CCDC181: variants seen among roughly 807,000 people sequenced by gnomAD.
CCDC181 encodes coiled-coil domain containing 181.
A neutral mutation model predicts 58.7 loss-of-function variants in CCDC181; 35 were observed. That is an observed-to-expected ratio of 0.60 (90% CI 0.46 to 0.79). CCDC181 has a LOEUF of 0.79. Among genes scored for constraint, CCDC181 ranks in the 30% least tolerant of loss-of-function variants. The pLI, the probability that CCDC181 is intolerant of heterozygous loss-of-function variation, is 0.00. For synonymous variants in CCDC181, 183 were observed against 197.5 expected (o/e 0.93, Z 0.62); for missense variants, 517 against 583.9 (o/e 0.89, Z 1.18).
At chr1:169,418,240 C>A (rs1236597192) in intron 4 of CCDC181, among the ~76,000 whole-genome samples, 17 of 152,092 alleles carry the variant, frequency 1.1e-4, no homozygotes, top group Non-Finnish European at 1.0e-4. Context: ...AACATTGGAA[C>A]CAACCTAAAT....
At chr1:169,399,976 T>C (rs1200600846) in intron 4 of CCDC181, among the ~76,000 whole-genome samples, 1 of 152,176 alleles carries the variant, frequency 6.6e-6, no homozygotes, top group East Asian at 1.9e-4. Context: ...AATGAAGCAG[T>C]CATGTGGAGG....
rs533982697 is a variant in CCDC181, at chr1:169,438,536, C to T, written c.-23-13586G>A. ...CTGCCCAATGGTCTGCATGGGGAAC[C>T]GAATTAACATTTTTCATCCCAGCAA... On this transcript the variant is annotated intron_variant, in intron 2 of 6. Transcript: ENST00000545005. Among the ~76,000 whole-genome samples, 317 of 152,244 alleles carry T rather than the reference C, an allele frequency of 2.1e-3. 4 individuals carry two copies. The highest frequency in any genetic ancestry group is 6.9e-3 in the African/African-American group (288 of 41,530).
At chr1:169,399,460 T>C (rs2102040744) in intron 4 of CCDC181, among the ~76,000 whole-genome samples, 1 of 152,262 alleles carries the variant, frequency 6.6e-6, no homozygotes, top group African/African-American at 2.4e-5. Flanking sequence ...TAAAACAAGG[T>C]AAATTACAGC....
At chr1:169,411,356 T>C (rs1321140486) in intron 4 of CCDC181, among the ~76,000 whole-genome samples, 1 of 151,992 alleles carries the variant, frequency 6.6e-6, no homozygotes, top group Non-Finnish European at 1.5e-5. Flanking sequence ...CAAATCTCTG[T>C]ATAGACCAAT....
chr1:169,396,838 A>G (rs1014965), intron 5 of CCDC181, among the ~76,000 whole-genome samples: 40,351 of 152,058 alleles, frequency 0.27, 6,722 homozygotes, highest in Non-Finnish European at 0.38. Context: ...GGTAAATGCA[A>G]CTTTTATTGG....
intron 2 of CCDC181, among the ~76,000 whole-genome samples, chr1:169,423,287 TTAAC>T (rs1355536376): frequency 1.3e-5 from 2 of 151,984 alleles, no homozygotes; most frequent in African/African-American, 2.4e-5. Flanking sequence ...TAACTATGAT[TTAAC>T]TAAGAGCTCT....
chr1:169,399,351 C>T (rs2102040543), intron 4 of CCDC181, among the ~76,000 whole-genome samples: 1 of 152,118 alleles, frequency 6.6e-6, no homozygotes, highest in Non-Finnish European at 1.5e-5. Context: ...ATAATTTGCT[C>T]AAAAATTGAA....
chr1:169,402,296 A>G lies in CCDC181; in HGVS notation c.1216-4905T>C, dbSNP rs567978494. On this transcript the variant is annotated intron_variant, in intron 4 of 5. Coordinates refer to ENST00000367806, the MANE Select transcript of CCDC181 (RefSeq NM_001300969.2). Reference sequence around the variant, plus strand: ...GCAGGCCAACATTCAAATTCAGGAAATACAGCAAATACCACAAAGATACTC... The same window carrying G: ...GCAGGCCAACATTCAAATTCAGGAAGTACAGCAAATACCACAAAGATACTC... Among the ~76,000 whole-genome samples, 10 of 152,348 alleles carry G rather than the reference A, an allele frequency of 6.6e-5. No homozygotes were observed. The South Asian group carries it at 2.1e-3, about 32-fold the overall frequency.
intron 2 of CCDC181, among the ~76,000 whole-genome samples, chr1:169,424,491 T>C (rs568111390): frequency 3.9e-5 from 6 of 152,002 alleles, no homozygotes; most frequent in South Asian, 2.1e-4. Context: ...ATTAACTGTA[T>C]TTTTTACTTT....
intron 2 of CCDC181, among the ~76,000 whole-genome samples, chr1:169,459,033 A>T (rs1657760268): frequency 1.3e-5 from 2 of 152,136 alleles, no homozygotes; most frequent in Non-Finnish European, 2.9e-5. Context: ...TCGTTTGTAC[A>T]GCAGTGAGTA....
At chr1:169,400,447 A>T (rs1055816423) in intron 4 of CCDC181, among the ~76,000 whole-genome samples, 11 of 152,180 alleles carry the variant, frequency 7.2e-5, no homozygotes, top group Admixed American at 2.0e-4. Flanking sequence ...TAACCAATTT[A>T]AAAAAAATCA....
intron 2 of CCDC181, among the ~76,000 whole-genome samples, chr1:169,446,358 T>G (rs1467618773): frequency 1.3e-5 from 2 of 152,074 alleles, no homozygotes; most frequent in Non-Finnish European, 2.9e-5. Context: ...ACAGGAGAAC[T>G]GCTTGAACCC....
chr1:169,445,154 A>G (rs1657337988), intron 2 of CCDC181, among the ~76,000 whole-genome samples: 1 of 151,968 alleles, frequency 6.6e-6, no homozygotes, highest in Non-Finnish European at 1.5e-5. Flanking sequence ...TTCTGCAGAT[A>G]TTTTCATAGC....
chr1:169,403,255 A>C (rs1655457393), intron 4 of CCDC181, among the ~76,000 whole-genome samples: 1 of 152,204 alleles, frequency 6.6e-6, no homozygotes, highest in South Asian at 2.1e-4. Context: ...CAGATCAACG[A>C]GACAGAAAAT....
At chr1:169,416,581 C>T (rs866626195) in intron 4 of CCDC181, among the ~76,000 whole-genome samples, 13 of 152,092 alleles carry the variant, frequency 8.5e-5, no homozygotes, top group East Asian at 1.9e-4. Flanking sequence ...GTTTATTATC[C>T]GCATTTTATT....
chr1:169,395,014 G>T lies in CCDC181; in HGVS notation c.*33C>A. 1 of 1,537,424 alleles carries T rather than the reference G, an allele frequency of 6.5e-7. No homozygotes were observed. Among genetic ancestry groups the T allele is most frequent in the Non-Finnish European group, 8.7e-7 (1 of 1,142,948 alleles). On this transcript the variant is annotated 3_prime_UTR_variant, in exon 6 of 6. Coordinates refer to ENST00000367806, the MANE Select transcript of CCDC181 (RefSeq NM_001300969.2). ...AGAAATCATATCCAAAATTTTGATA[G>T]CAGCTGCCCACTGAAATATTTAATA...
At chr1:169,418,631 G>T (rs1239389722) in intron 4 of CCDC181, among the ~76,000 whole-genome samples, 3 of 149,808 alleles carry the variant, frequency 2.0e-5, no homozygotes, top group Non-Finnish European at 3.0e-5. Context: ...TAAATAATTT[G>T]GTGTCTTTAA....
intron 1 of CCDC181, among the ~76,000 whole-genome samples, chr1:169,425,770 C>A (rs1166535308): frequency 6.6e-6 from 1 of 152,048 alleles, no homozygotes; most frequent in Non-Finnish European, 1.5e-5. Flanking sequence ...GAGCAGGGAT[C>A]TTGAAATTTA....
intron 2 of CCDC181, among the ~76,000 whole-genome samples, chr1:169,447,575 A>T (rs984571777): frequency 6.6e-6 from 1 of 152,184 alleles, no homozygotes; most frequent in Non-Finnish European, 1.5e-5. Flanking sequence ...CAGGTCAACT[A>T]TATCCTTACT....
Sources: allele counts gnomAD v4.1 joint callset (sites outside exome capture counted in the v4.1 genomes callset), GRCh38; gene constraint gnomAD v4.1.1; transcripts MANE v1.5; gene names NCBI Gene and HGNC (gene_info 2026-07-23, HGNC 2026-07-21).